Variants in MYZAP observed in about 807,000 individuals in gnomAD.
The protein encoded by MYZAP is myocardial zonula adherens protein, also known as GRINL1A complex locus upstream.
A neutral mutation model predicts 69.4 loss-of-function variants in MYZAP; 66 were observed. The ratio of observed to expected loss-of-function variants is 0.95; its 90% CI spans 0.78 to 1.17. The LOEUF (loss-of-function observed/expected upper bound fraction) is 1.17. Among genes scored for constraint, MYZAP ranks in the 50% most tolerant of loss-of-function variants. The pLI, the probability that MYZAP is intolerant of heterozygous loss-of-function variation, is 0.00. For missense variants in MYZAP, 611 were observed against 556.2 expected, an observed-to-expected ratio of 1.10 and a Z score of -0.99; for synonymous variants, 256 against 205.9, an observed-to-expected ratio of 1.24 and a Z score of -2.09.
chr15:57,651,043 C>G (rs79795485), intron 10 of MYZAP, among the ~76,000 whole-genome samples: 4,849 of 152,200 alleles, frequency 0.032, 89 homozygotes, highest in Admixed American at 0.049. Flanking sequence ...GATATGAGCT[C>G]CAGAGTGGTG....
chr15:57,610,618 A>T (rs1287571181), intron 2 of MYZAP, among the ~76,000 whole-genome samples: 1 of 152,192 alleles, frequency 6.6e-6, no homozygotes, highest in Non-Finnish European at 1.5e-5. Context: ...CTTCTAGCAA[A>T]TAGAAATGTT....
chr15:57,628,806 C>T (rs1241221519), intron 5 of MYZAP, among the ~76,000 whole-genome samples: 2 of 150,980 alleles, frequency 1.3e-5, no homozygotes, highest in African/African-American at 2.4e-5. Context: ...AAAGGGAGGC[C>T]GGGCGTGGTG....
intron 11 of MYZAP, among the ~76,000 whole-genome samples, chr15:57,672,318 C>A (rs1489770526): frequency 6.6e-6 from 1 of 152,144 alleles, no homozygotes; most frequent in African/African-American, 2.4e-5. Flanking sequence ...GCTCTCAGGG[C>A]AAATCTGCCA....
rs1182966440 is a variant in MYZAP, at chr15:57,625,818, C to G, written c.451C>G (p.Gln151Glu). 1 of 1,614,172 alleles carries G rather than the reference C, an allele frequency of 6.2e-7. No homozygotes were observed. The highest frequency in any genetic ancestry group is 1.7e-5 in the Admixed American group (1 of 60,030). The change falls in exon 5 of 13, where the codon CAA becomes GAA. Residue 151 changes from glutamine (Q) to glutamate (E), a missense_variant. Transcript: ENST00000267853. The stretch of plus-strand genomic sequence containing the variant: ...GCAGGAGTATCTGGAGAATCACATC[C>G]AAACCCAGTCGTCTGCCCTGGATCG... Reference protein sequence around the residue: ...AQQEYLENHIQTQSSALDRFN... With the variant: ...AQQEYLENHIETQSSALDRFN...
chr15:57,616,797 G>A (rs2035479817), intron 2 of MYZAP, among the ~76,000 whole-genome samples: 1 of 108,596 alleles, frequency 9.2e-6, no homozygotes, highest in African/African-American at 3.4e-5. Context: ...GTGACAGAGT[G>A]AGACTCCATC....
chr15:57,624,043 C>G (rs1338641308), intron 4 of MYZAP, among the ~76,000 whole-genome samples: 1 of 152,116 alleles, frequency 6.6e-6, no homozygotes, highest in Non-Finnish European at 1.5e-5. Flanking sequence ...GGTAACTGAG[C>G]AGGGTGGTAA....
chr15:57,632,188 A>T (rs1451647117), intron 6 of MYZAP, among the ~76,000 whole-genome samples: 5 of 152,202 alleles, frequency 3.3e-5, no homozygotes, highest in Non-Finnish European at 5.9e-5. Flanking sequence ...AAAGTCACTC[A>T]TGTGGAGCAT....
At chr15:57,668,162 A>T (rs151015488) in intron 11 of MYZAP, among the ~76,000 whole-genome samples, 356 of 152,346 alleles carry the variant, frequency 2.3e-3, no homozygotes, top group Non-Finnish European at 3.7e-3. Flanking sequence ...TTGTATGAAT[A>T]TATCGCAGTT....
chr15:57,657,875 G>C (rs769064059), intron 10 of MYZAP, among the ~76,000 whole-genome samples: 1 of 152,138 alleles, frequency 6.6e-6, no homozygotes, highest in Non-Finnish European at 1.5e-5. Flanking sequence ...CTGCAACACA[G>C]GAGAGGAGCT....
intron 5 of MYZAP, among the ~76,000 whole-genome samples, chr15:57,629,337 A>G (rs1350756888): frequency 6.6e-6 from 1 of 152,236 alleles, no homozygotes; most frequent in Non-Finnish European, 1.5e-5. Context: ...ATGGGATTAT[A>G]CTATACTTAC....
intron 2 of MYZAP, 74 bp from the exon 3 acceptor site, chr15:57,617,959 T>C: frequency 6.5e-7 from 1 of 1,531,126 alleles, no homozygotes; most frequent in Non-Finnish European, 8.8e-7. Context: ...TCATACACAG[T>C]GGGCCCGTTA....
At chr15:57,650,035 T>C (rs968020219) in intron 10 of MYZAP, among the ~76,000 whole-genome samples, 1 of 152,228 alleles carries the variant, frequency 6.6e-6, no homozygotes, top group Non-Finnish European at 1.5e-5. Context: ...TGATAGTTGC[T>C]CAATAAATAT....
rs554440363 is a variant in MYZAP at position 57,654,467 on chromosome 15, C to T, written c.1120-6983C>T. On this transcript the variant is annotated intron_variant, in intron 10 of 12. Transcript: ENST00000267853. ...GGTGTGTTTCCTGTTTTACATAAGG[C>T]ATTTTTCGTGTTTGTTATCCTTTGC... Among the ~76,000 whole-genome samples the T allele has an allele frequency of 5.5e-4, 84 of 152,294 alleles. 1 individual carries two copies. The highest frequency in any genetic ancestry group is 1.9e-3 in the African/African-American group (77 of 41,562).
rs530247932 is a variant in MYZAP, at chr15:57,631,694, G to T, written c.679-740G>T. Among the ~76,000 whole-genome samples the T allele has an allele frequency of 3.5e-4, 53 of 152,140 alleles. 1 individual carries two copies. Among genetic ancestry groups the T allele is most frequent in the Non-Finnish European group, 2.8e-4 (19 of 68,030 alleles). On this transcript the variant is annotated intron_variant, in intron 6 of 12. Coordinates refer to ENST00000267853, the MANE Select transcript of MYZAP (RefSeq NM_001018100.5). ...TGATGAGAAGGGAGAAGTCAAGGGC[G>T]TCAAGAGAGACTTGTCACATCTTGG...
intron 2 of MYZAP, among the ~76,000 whole-genome samples, chr15:57,617,418 C>T (rs2035537199): frequency 6.6e-6 from 1 of 152,138 alleles, no homozygotes; most frequent in South Asian, 2.1e-4. Context: ...ATGACCAAAA[C>T]TTTAACTGAA....
chr15:57,673,836 T>G (rs1339694284), intron 11 of MYZAP, among the ~76,000 whole-genome samples: 1 of 152,200 alleles, frequency 6.6e-6, no homozygotes, highest in East Asian at 1.9e-4. Flanking sequence ...TGTTACCTAG[T>G]GTCTTAGAAT....
chr15:57,623,107 G>GGGT (rs1354202322), intron 4 of MYZAP, among the ~76,000 whole-genome samples: 1 of 152,164 alleles, frequency 6.6e-6, no homozygotes, highest in Non-Finnish European at 1.5e-5. Context: ...TCACCTCATC[G>GGGT]TAAGATAAAT....
chr15:57,666,679 A>G (rs1296821759), intron 11 of MYZAP, among the ~76,000 whole-genome samples: 1 of 152,104 alleles, frequency 6.6e-6, no homozygotes, highest in Non-Finnish European at 1.5e-5. Context: ...TGCGGGAAAG[A>G]GGGAGGGGGA....
At chr15:57,614,721 G>C (rs1351369639) in intron 2 of MYZAP, among the ~76,000 whole-genome samples, 3 of 152,130 alleles carry the variant, frequency 2.0e-5, no homozygotes, top group Non-Finnish European at 4.4e-5. Context: ...TGGAGACCCT[G>C]GGATGCTACA....
Sources: allele counts gnomAD v4.1 joint callset (sites outside exome capture counted in the v4.1 genomes callset), GRCh38; gene constraint gnomAD v4.1.1; transcripts MANE v1.5; gene names NCBI Gene and HGNC (gene_info 2026-07-23, HGNC 2026-07-21).